The following AZIN2 variants were observed in gnomAD, a reference collection of about 807,000 sequenced individuals.
AZIN2 encodes antizyme inhibitor 2, also known as ODC antizyme inhibitor-2.
Under a neutral mutation model 47.8 loss-of-function variants are expected in AZIN2, and 28 were observed. The observed-to-expected ratio is 0.59, with a 90% CI of 0.43 to 0.80. AZIN2 has a LOEUF of 0.80. Ranked by LOEUF, AZIN2 falls within the 30% of genes least tolerant of loss-of-function variation. The probability of loss-of-function intolerance (pLI) is 0.00; values close to 1 mark genes in which losing one functional copy is unlikely to be tolerated. For synonymous variants in AZIN2, 221 were observed against 239.4 expected, an observed-to-expected ratio of 0.92 and a Z score of 0.71; for missense variants, 535 against 582.5, an observed-to-expected ratio of 0.92 and a Z score of 0.84.
At chr1:33,102,413 C>T (rs946746561) in intron 10 of AZIN2, among the ~76,000 whole-genome samples, 2 of 152,150 alleles carry the variant, frequency 1.3e-5, no homozygotes, top group African/African-American at 4.8e-5. Flanking sequence ...GCCCTTCCAA[C>T]CTCTCCAGTC....
Position 33,104,711 on chromosome 1 carries a change from T to C in AZIN2, c.1029+6532T>C, listed in dbSNP as rs2124602309. ...TAATGGCTATTTTATTTTGTTTTATTTTATTTAACACAAGGTCACATTCTG... is the reference window on the plus strand; with the variant it reads ...TAATGGCTATTTTATTTTGTTTTATCTTATTTAACACAAGGTCACATTCTG... On this transcript the variant is annotated intron_variant, in intron 10 of 11. Coordinates refer to ENST00000294517, the MANE Select transcript of AZIN2 (RefSeq NM_052998.4). Among the ~76,000 whole-genome samples the C allele has an allele frequency of 2.0e-5, 3 of 152,348 alleles. No individual in the cohort carries two copies. In the Middle Eastern group the frequency reaches 0.01, roughly 518 times the overall value.
At chr1:33,141,888 C>G in the AZIN2 span, 2 of 157,274 alleles carry the variant, frequency 1.3e-5, no homozygotes, top group Non-Finnish European at 2.8e-5. Context: ...AAAATATATT[C>G]TTTTCATCAA....
rs2124680371 is a variant in AZIN2 at position 33,120,933 on chromosome 1, C to T, written c.*751C>T. Among the ~76,000 whole-genome samples the T allele has an allele frequency of 6.6e-6, 1 of 152,344 alleles. No homozygotes were observed. The highest frequency in any genetic ancestry group is 1.5e-5 in the Non-Finnish European group (1 of 68,040). ...TTTGAGTGGACCCTGCACCCTTGCT[C>T]TCCCTGCAGGTTGGCAAGGCAGTCA... On this transcript the variant is annotated 3_prime_UTR_variant, in exon 12 of 12. Transcript: ENST00000294517.
intron 10 of AZIN2, among the ~76,000 whole-genome samples, chr1:33,114,506 A>G (rs1644438229): frequency 6.6e-6 from 1 of 151,498 alleles, no homozygotes; most frequent in Admixed American, 6.6e-5. Flanking sequence ...GGCGCCCGCC[A>G]CCATGCCCGG....
intron 5 of AZIN2, among the ~76,000 whole-genome samples, chr1:33,086,166 T>C (rs1431355008): frequency 2.0e-5 from 3 of 152,242 alleles, no homozygotes; most frequent in Middle Eastern, 3.4e-3. Flanking sequence ...TTGCCAAGTG[T>C]TTTCTGTACA....
intron 5 of AZIN2, among the ~76,000 whole-genome samples, chr1:33,090,669 A>G (rs1207481257): frequency 1.3e-5 from 2 of 152,238 alleles, no homozygotes; most frequent in African/African-American, 2.4e-5. Context: ...CAAGCTAATT[A>G]GGCATTAACT....
intron 9 of AZIN2, among the ~76,000 whole-genome samples, chr1:33,097,723 C>T (rs940560993): frequency 2.6e-5 from 4 of 152,188 alleles, no homozygotes; most frequent in African/African-American, 9.7e-5. Context: ...TCTGGCTCAT[C>T]CACTGCCCTA....
At chr1:33,088,285 G>A (rs1642157576) in intron 5 of AZIN2, among the ~76,000 whole-genome samples, 1 of 152,134 alleles carries the variant, frequency 6.6e-6, no homozygotes, top group Admixed American at 6.5e-5. Context: ...TGCTGGGTGT[G>A]GGAGTTCCCT....
chr1:33,104,146 G>A (rs1396752584), intron 10 of AZIN2, among the ~76,000 whole-genome samples: 3 of 152,124 alleles, frequency 2.0e-5, no homozygotes, highest in Non-Finnish European at 4.4e-5. Context: ...GCCTCCCAAA[G>A]TGCTTTGATT....
chr1:33,143,441 A>AC, the AZIN2 span, among the ~76,000 whole-genome samples: 1 of 152,146 alleles, frequency 6.6e-6, no homozygotes. Flanking sequence ...AGTCACAGGG[A>AC]TCTGAGAGGA....
the AZIN2 span, chr1:33,159,541 C>A: frequency 3.3e-6 from 4 of 1,205,448 alleles, no homozygotes; most frequent in South Asian, 6.3e-5. This position sits in a 1 kb window ranked among gnomAD's most constrained non-coding sequence, Gnocchi z 4.2. Flanking sequence ...CATGCTCCTA[C>A]CCATAGCAGA....
chr1:33,147,834 T>G, the AZIN2 span: 8 of 1,203,732 alleles, frequency 6.6e-6, no homozygotes, highest in African/African-American at 1.5e-5. The surrounding 1 kb of genome is among the most constrained non-coding windows in gnomAD (Gnocchi z 8.1). Context: ...AGGAGGCCTC[T>G]GACCTGCTGT....
the AZIN2 span, among the ~76,000 whole-genome samples, chr1:33,166,698 G>C: frequency 6.6e-6 from 1 of 152,098 alleles, no homozygotes; most frequent in Non-Finnish European, 1.5e-5. Flanking sequence ...TTGATGCCAG[G>C]TGACACGTTT....
intron 10 of AZIN2, among the ~76,000 whole-genome samples, chr1:33,107,702 A>T (rs142966720): frequency 0.012 from 1,825 of 152,370 alleles, 51 homozygotes; most frequent in African/African-American, 0.042. Flanking sequence ...TATGCTAACT[A>T]TCTGAAAAAG....
At chr1:33,116,249 A>C (rs1245074598) in intron 10 of AZIN2, among the ~76,000 whole-genome samples, 4 of 152,228 alleles carry the variant, frequency 2.6e-5, no homozygotes, top group Non-Finnish European at 5.9e-5. Flanking sequence ...ATCATTCTTA[A>C]CTTACATAAT....
intron 10 of AZIN2, among the ~76,000 whole-genome samples, chr1:33,105,091 G>C (rs1401159758): frequency 6.6e-6 from 1 of 152,172 alleles, no homozygotes; most frequent in Non-Finnish European, 1.5e-5. Flanking sequence ...GATATTAAAA[G>C]GTGTTTTTGT....
At chr1:33,158,169 C>G in the AZIN2 span, 1 of 1,279,638 alleles carries the variant, frequency 7.8e-7, no homozygotes, top group Non-Finnish European at 1.1e-6. Flanking sequence ...ACCCCAACTG[C>G]CCCATGCTGT....
intron 5 of AZIN2, among the ~76,000 whole-genome samples, chr1:33,088,857 G>A (rs780834703): frequency 1.3e-5 from 2 of 152,154 alleles, no homozygotes; most frequent in African/African-American, 2.4e-5. Context: ...CTTGCAGCAC[G>A]TACTTTTTCT....
chr1:33,102,007 C>T, intron 10 of AZIN2: 2 of 667,480 alleles, frequency 3.0e-6, no homozygotes, highest in South Asian at 3.3e-5. Flanking sequence ...TTGTTTCCCT[C>T]TCTCTGATGA....
Sources: allele counts gnomAD v4.1 joint callset (sites outside exome capture counted in the v4.1 genomes callset), GRCh38; gene constraint gnomAD v4.1.1; non-coding constraint Gnocchi (gnomAD v3.1); transcripts MANE v1.5; gene names NCBI Gene and HGNC (gene_info 2026-07-23, HGNC 2026-07-21).